The following UGT8 variants were observed in gnomAD, a reference collection of about 807,000 sequenced individuals.
UGT8 encodes UDP glycosyltransferase 8.
In UGT8, 12 loss-of-function variants were observed where a neutral mutation model predicts 40.5. The observed-to-expected ratio is 0.30, with a 90% CI of 0.19 to 0.48. UGT8 has a LOEUF of 0.48. UGT8 is among the 20% of genes least tolerant of loss of function. The pLI is 0.99. For synonymous variants in UGT8, 224 were observed against 240.4 expected, an observed-to-expected ratio of 0.93 and a Z score of 0.63; for missense variants, 513 against 648.7, an observed-to-expected ratio of 0.79 and a Z score of 2.27.
chr4:114,634,767 CT>C (rs140245540), intron 2 of UGT8, among the ~76,000 whole-genome samples: 2 of 152,108 alleles, frequency 1.3e-5, no homozygotes, highest in East Asian at 1.9e-4. Flanking sequence ...ATCACTTTAC[CT>C]TTTTTTATCA....
At chr4:114,614,145 T>C (rs1416529626) in intron 1 of UGT8, among the ~76,000 whole-genome samples, 1 of 152,192 alleles carries the variant, frequency 6.6e-6, no homozygotes, top group Non-Finnish European at 1.5e-5. Context: ...ACCTGTACTG[T>C]AGATGTCTGA....
chr4:114,599,471 T>C (rs904974221), intron 1 of UGT8, among the ~76,000 whole-genome samples: 11 of 152,042 alleles, frequency 7.2e-5, no homozygotes, highest in African/African-American at 2.4e-4. Flanking sequence ...GTCTTCCCCC[T>C]AAGGAGGAAC....
intron 4 of UGT8, among the ~76,000 whole-genome samples, chr4:114,667,454 C>T (rs2126135045): frequency 1.3e-5 from 2 of 151,896 alleles, no homozygotes; most frequent in South Asian, 4.2e-4. Flanking sequence ...TTTTTTATTC[C>T]CATAACAACT....
At chr4:114,675,447 A>T (rs1327040666) in intron 5 of UGT8, among the ~76,000 whole-genome samples, 1 of 152,182 alleles carries the variant, frequency 6.6e-6, no homozygotes, top group Admixed American at 6.5e-5. Context: ...TTAACATAAG[A>T]TAATGTGTTT....
At chr4:114,627,460 G>A (rs150604099) in intron 2 of UGT8, among the ~76,000 whole-genome samples, 186 of 151,896 alleles carry the variant, frequency 1.2e-3, no homozygotes, top group African/African-American at 4.3e-3. Context: ...GAGTTTCACC[G>A]TGTTAGCCAG....
chr4:114,660,846 G>A (rs956770475), intron 2 of UGT8, among the ~76,000 whole-genome samples: 3 of 148,066 alleles, frequency 2.0e-5, no homozygotes, highest in South Asian at 2.1e-4. Context: ...AGCCGAGATC[G>A]CACCACTGCA....
chr4:114,613,901 G>T (rs554263981), intron 1 of UGT8, among the ~76,000 whole-genome samples: 7 of 152,122 alleles, frequency 4.6e-5, no homozygotes, highest in Non-Finnish European at 8.8e-5. Flanking sequence ...ATATCTTTGT[G>T]TTTTAAATAG....
At chr4:114,672,299 C>G (rs1735340365) in intron 5 of UGT8, among the ~76,000 whole-genome samples, 1 of 152,166 alleles carries the variant, frequency 6.6e-6, no homozygotes, top group Admixed American at 6.5e-5. Context: ...TACCATTTGA[C>G]CCAGCAATCC....
In UGT8 at chr4:114,667,935, G is replaced by A. The variant is rs185927399; in HGVS notation, c.1043-150G>A. 1.7e-5 allele frequency: 24 copies of A among 1,421,916 alleles called. No individual in the cohort carries two copies. In the African/African-American group the frequency reaches 1.9e-4, roughly 11 times the overall value. The allele number at this position is 1,421,916 out of a possible 1,614,324, so 88.1% of individuals were successfully genotyped here. A position where few individuals can be genotyped will look rare whatever the true frequency, so the allele number is the denominator to read the frequency against. On this transcript the variant is annotated intron_variant, in intron 4 of 5. Coordinates refer to ENST00000310836, the MANE Select transcript of UGT8 (RefSeq NM_001128174.3). Reference sequence around the variant, plus strand: ...GTATATAACAAATATTTTAATTGGTGTAGAGCAGGAATCAGTGAAATTACA... The same window carrying A: ...GTATATAACAAATATTTTAATTGGTATAGAGCAGGAATCAGTGAAATTACA...
rs1735758400 is a variant in UGT8, at chr4:114,678,057, A to G, written c.*1769A>G. 6.6e-6 allele frequency: 1 copy of G among 152,218 alleles called. No homozygotes were observed. Among genetic ancestry groups the G allele is most frequent in the South Asian group, 2.1e-4 (1 of 4,834 alleles). 9.4% of individuals were successfully genotyped at this position (152,218 alleles called of 1,614,324 possible). On this transcript the variant is annotated 3_prime_UTR_variant, in exon 6 of 6. Coordinates refer to ENST00000310836, the MANE Select transcript of UGT8 (RefSeq NM_001128174.3). ...ATGTTGCCGTTAAAAGGGAAAAAAG[A>G]CACAGGCAATGAATGGTGGGATAGT...
chr4:114,664,251 G>A (rs77858164), intron 3 of UGT8, 114 bp downstream of exon 3: 30,733 of 1,162,994 alleles, frequency 0.026, 501 homozygotes, highest in Non-Finnish European at 0.032. Context: ...TTAGCAAGAT[G>A]CCCTTGACTT....
At chr4:114,625,509 TAAAAAAA>T (rs767102968) in intron 2 of UGT8, among the ~76,000 whole-genome samples, 1 of 75,274 alleles carries the variant, frequency 1.3e-5, no homozygotes, top group Non-Finnish European at 2.4e-5. Context: ...AGACCCTGTC[TAAAAAAA>T]AAAAAAAAAA....
chr4:114,601,792 A>G (rs1730456977), intron 1 of UGT8, among the ~76,000 whole-genome samples: 1 of 151,220 alleles, frequency 6.6e-6, no homozygotes, highest in South Asian at 2.1e-4. Flanking sequence ...GGGTTGAAAT[A>G]CTAGAATAGA....
chr4:114,664,214 G>A, intron 3 of UGT8, 77 bp downstream of exon 3: 1 of 1,487,808 alleles, frequency 6.7e-7, no homozygotes, highest in Non-Finnish European at 9.2e-7. Context: ...TCCCAGTAAA[G>A]CACAGCACAT....
chr4:114,615,531 T>G (rs1465760847), intron 1 of UGT8, among the ~76,000 whole-genome samples: 1 of 152,154 alleles, frequency 6.6e-6, no homozygotes, highest in East Asian at 1.9e-4. Flanking sequence ...AAAGGTAGCT[T>G]AGTTGCTTCA....
At chr4:114,612,121 A>G (rs1731130723) in intron 1 of UGT8, among the ~76,000 whole-genome samples, 1 of 152,190 alleles carries the variant, frequency 6.6e-6, no homozygotes, top group South Asian at 2.1e-4. Flanking sequence ...GGTAAGTTTT[A>G]TAACCTAAAC....
intron 2 of UGT8, among the ~76,000 whole-genome samples, chr4:114,655,771 A>G (rs988434846): frequency 6.6e-6 from 1 of 152,080 alleles, no homozygotes; most frequent in African/African-American, 2.4e-5. Context: ...TATTACTACC[A>G]TCTAAGTTTT....
At chr4:114,613,351 C>G (rs1290925961) in intron 1 of UGT8, among the ~76,000 whole-genome samples, 1 of 152,068 alleles carries the variant, frequency 6.6e-6, no homozygotes, top group Non-Finnish European at 1.5e-5. Context: ...TTCTAACATA[C>G]TACTTCAAAT....
chr4:114,616,403 C>A (rs952418001), intron 1 of UGT8, among the ~76,000 whole-genome samples: 1 of 152,158 alleles, frequency 6.6e-6, no homozygotes, highest in Admixed American at 6.5e-5. Flanking sequence ...CTGAGCCATG[C>A]GGGGGATATA....
Sources: allele counts gnomAD v4.1 joint callset (sites outside exome capture counted in the v4.1 genomes callset), GRCh38; gene constraint gnomAD v4.1.1; transcripts MANE v1.5; gene names NCBI Gene and HGNC (gene_info 2026-07-23, HGNC 2026-07-21).